Variants in RPH3A observed in about 807,000 individuals in gnomAD.
The protein encoded by RPH3A is rabphilin 3A, also known as rabphilin-3A.
RPH3A carries 48 observed loss-of-function variants against 102.2 expected under a neutral mutation model. That is an observed-to-expected ratio of 0.47 (90% confidence interval 0.37 to 0.60). RPH3A has a LOEUF of 0.60. Ranked by LOEUF, RPH3A falls within the 20% of genes least tolerant of loss-of-function variation. The pLI is 0.00. For missense variants in RPH3A, 781 were observed against 910.1 expected (o/e 0.86, Z 1.83); for synonymous variants, 310 against 324.3 (o/e 0.96, Z 0.47).
chr12:112,588,826 G>C (rs1315243790), intron 1 of RPH3A, among the ~76,000 whole-genome samples: 5 of 152,078 alleles, frequency 3.3e-5, no homozygotes, highest in African/African-American at 1.2e-4. Flanking sequence ...GGAGGCAGAT[G>C]GTAACCTGGC....
Position 112,895,879 on chromosome 12 carries a change from T to C in RPH3A, c.1954+6T>C, listed in dbSNP as rs2043171349. 5.6e-6 allele frequency: 9 copies of C among 1,600,196 alleles called. No individual in the cohort carries two copies. The highest frequency in any genetic ancestry group is 1.7e-5 in the Admixed American group (1 of 60,014). ...CAAGTCCAATGATTACATCGGTGAG[T>C]GTTCCTAACTCCAGAGAAAACGCCC... On this transcript the variant is annotated splice_donor_region_variant and intron_variant, in intron 21 of 21. Coordinates refer to ENST00000389385, the MANE Select transcript of RPH3A (RefSeq NM_001143854.2).
At chr12:112,639,025 C>T (rs2039867148) in intron 1 of RPH3A, among the ~76,000 whole-genome samples, 1 of 152,146 alleles carries the variant, frequency 6.6e-6, no homozygotes, top group South Asian at 2.1e-4. Context: ...AGATCTTGTT[C>T]AACCCCTCCC....
At chr12:112,822,527 G>C (rs1230407282) in intron 2 of RPH3A, among the ~76,000 whole-genome samples, 1 of 152,218 alleles carries the variant, frequency 6.6e-6, no homozygotes, top group Non-Finnish European at 1.5e-5. Flanking sequence ...GAGAGCCAGG[G>C]GAGAAGCAGG....
intron 13 of RPH3A, among the ~76,000 whole-genome samples, chr12:112,878,437 G>A (rs529066972): frequency 6.6e-6 from 1 of 152,278 alleles, no homozygotes; most frequent in South Asian, 2.1e-4. Flanking sequence ...TATTGAGCAT[G>A]TACAAAGTGC....
intron 1 of RPH3A, among the ~76,000 whole-genome samples, chr12:112,596,409 G>T (rs1259206717): frequency 6.6e-6 from 1 of 152,200 alleles, no homozygotes; most frequent in Non-Finnish European, 1.5e-5. Context: ...GGGAGTCAAA[G>T]TTTTGGTTTG....
intron 14 of RPH3A, 43 bp downstream of exon 14, chr12:112,879,241 G>A (rs2042863238): frequency 1.3e-6 from 2 of 1,540,972 alleles, no homozygotes; most frequent in African/African-American, 1.4e-5. Context: ...AGGATGCTCT[G>A]GCATGGCTAG....
intron 1 of RPH3A, among the ~76,000 whole-genome samples, chr12:112,764,268 C>T (rs1434233287): frequency 6.6e-6 from 1 of 152,156 alleles, no homozygotes; most frequent in African/African-American, 2.4e-5. Context: ...AGAAAGAATG[C>T]AGGCTCAGAG....
intron 5 of RPH3A, among the ~76,000 whole-genome samples, chr12:112,858,849 A>G (rs1743345802): frequency 6.6e-6 from 1 of 151,980 alleles, no homozygotes; most frequent in South Asian, 2.1e-4. Flanking sequence ...GAAGGGACAT[A>G]CTCCTGGTGC....
At chr12:112,761,758 T>C (rs1306043161) in intron 1 of RPH3A, among the ~76,000 whole-genome samples, 1 of 152,252 alleles carries the variant, frequency 6.6e-6, no homozygotes, top group East Asian at 1.9e-4. Flanking sequence ...GACCCACAGC[T>C]GTGCCTCTGA....
intron 1 of RPH3A, among the ~76,000 whole-genome samples, chr12:112,679,984 C>T (rs1305790941): frequency 2.6e-5 from 4 of 152,128 alleles, no homozygotes; most frequent in African/African-American, 7.2e-5. Context: ...GCATTTTAGC[C>T]GAGATGTGCA....
At chr12:112,642,466 A>C (rs151318553) in intron 1 of RPH3A, among the ~76,000 whole-genome samples, 122 of 152,358 alleles carry the variant, frequency 8.0e-4, no homozygotes, top group African/African-American at 2.7e-3. Context: ...AGACACACTT[A>C]CACTAAAAAA....
intron 1 of RPH3A, among the ~76,000 whole-genome samples, chr12:112,722,121 G>A (rs1172670568): frequency 7.9e-5 from 12 of 152,154 alleles, no homozygotes; most frequent in Admixed American, 3.3e-4. Flanking sequence ...AAGACTCTTC[G>A]CCCTGGAAAT....
At chr12:112,793,845 C>T (rs1395003464) in intron 2 of RPH3A, among the ~76,000 whole-genome samples, 2 of 151,922 alleles carry the variant, frequency 1.3e-5, no homozygotes, top group Non-Finnish European at 2.9e-5. Context: ...CTTTTAATTG[C>T]TGGATTATGG....
chr12:112,686,926 G>T (rs2040269014), intron 1 of RPH3A, among the ~76,000 whole-genome samples: 1 of 152,150 alleles, frequency 6.6e-6, no homozygotes, highest in African/African-American at 2.4e-5. Context: ...GAGCCCAGAA[G>T]TTTGCGACAC....
intron 2 of RPH3A, among the ~76,000 whole-genome samples, chr12:112,825,643 C>T (rs1046514712): frequency 5.9e-5 from 9 of 152,136 alleles, no homozygotes; most frequent in African/African-American, 1.4e-4. Flanking sequence ...GAGACTCTTT[C>T]ACACATTCAG....
intron 5 of RPH3A, among the ~76,000 whole-genome samples, chr12:112,853,919 T>C (rs573336689): frequency 6.6e-6 from 1 of 152,298 alleles, no homozygotes; most frequent in East Asian, 1.9e-4. Context: ...GTTGAATGAA[T>C]AATGCATACT....
At chr12:112,794,787 A>G (rs1371338099) in intron 2 of RPH3A, among the ~76,000 whole-genome samples, 3 of 152,186 alleles carry the variant, frequency 2.0e-5, no homozygotes, top group East Asian at 3.8e-4. Context: ...AGCAACATAT[A>G]AACCCACCAT....
At chr12:112,660,854 G>T (rs1305409283) in intron 1 of RPH3A, among the ~76,000 whole-genome samples, 2 of 152,076 alleles carry the variant, frequency 1.3e-5, no homozygotes, top group Non-Finnish European at 2.9e-5. Context: ...TAACCCTTAG[G>T]TCACACTGAT....
At chr12:112,690,157 G>A (rs1405973590) in intron 1 of RPH3A, among the ~76,000 whole-genome samples, 1 of 152,170 alleles carries the variant, frequency 6.6e-6, no homozygotes, top group Admixed American at 6.5e-5. Context: ...AGAAAAGTTG[G>A]AAAATTGGTT....
Sources: gnomAD v4.1 joint callset for allele counts (sites outside exome capture counted in the v4.1 genomes callset) on GRCh38, gnomAD v4.1.1 for gene constraint, MANE v1.5 for transcripts, NCBI Gene and HGNC (gene_info 2026-07-23, HGNC 2026-07-21) for gene names.